MAPK8IP3: variants seen among roughly 807,000 people sequenced by gnomAD.
MAPK8IP3 encodes the protein C-Jun-amino-terminal kinase-interacting protein 3.
A neutral mutation model predicts 157.8 loss-of-function variants in MAPK8IP3; 49 were observed. The observed-to-expected ratio is 0.31, with a 90% CI of 0.25 to 0.39. The LOEUF is 0.39. Ranked by LOEUF, MAPK8IP3 falls within the 10% of genes least tolerant of loss-of-function variation. The pLI is 1.00. For missense variants in MAPK8IP3, 1,478 were observed against 1,889.4 expected (o/e 0.78, Z 4.04); for synonymous variants, 897 against 777.7 (o/e 1.15, Z -2.55).
intron 4 of MAPK8IP3, among the ~76,000 whole-genome samples, chr16:1,733,893 C>T (rs542951259): frequency 1.1e-3 from 172 of 152,354 alleles, no homozygotes; most frequent in Non-Finnish European, 1.3e-3. Flanking sequence ...CTGACCTGGC[C>T]CCAGCCATTC....
At position 1,768,384 on chromosome 16, in the gene MAPK8IP3, G is replaced by T; in HGVS notation, c.3742+6G>T. The T allele has an allele frequency of 1.3e-6, 2 of 1,599,180 alleles. No individual in the cohort carries two copies. The highest frequency in any genetic ancestry group is 2.7e-5 in the African/African-American group (2 of 75,014). On this transcript the variant is annotated splice_donor_region_variant and intron_variant, in intron 30 of 31. Transcript: ENST00000610761. ...GTTCTTTGTCTCGGTGCCAGGTGAG[G>T]CTGGGCCCCTCCTGCCATCCACATC...
intron 4 of MAPK8IP3, among the ~76,000 whole-genome samples, chr16:1,730,044 C>CAAAAAAAAA (rs58933347): frequency 2.1e-5 from 1 of 46,982 alleles, no homozygotes; most frequent in African/African-American, 6.2e-5. Context: ...CTTGTCTCTA[C>CAAAAAAAAA]AAAAAAAAAA....
Position 1,768,799 on chromosome 16 carries a change from G to A in MAPK8IP3, c.3989G>A (p.Trp1330Ter), listed in dbSNP as rs2042443088. ...GCAGAGCGCAGTCACATCATCGTGT[G>A]GCAGGTGTCCTACACCCCCGAGTGA... is the stretch of plus-strand genomic sequence containing the variant. ...SKAERSHIIVWQVSYTPE is the reference protein window; with the variant it reads ...SKAERSHIIV The change falls in exon 32 of 32, where the codon TGG becomes TAG. Residue 1330 changes from tryptophan (W) to a stop codon, truncating the protein, a stop_gained. Coordinates refer to ENST00000610761, the MANE Select transcript of MAPK8IP3 (RefSeq NM_001318852.2). LOFTEE classifies it high-confidence loss of function. 1 of 1,612,548 alleles carries A rather than the reference G, an allele frequency of 6.2e-7. No individual in the cohort carries two copies. The highest frequency in any genetic ancestry group is 8.5e-7 in the Non-Finnish European group (1 of 1,179,802).
At chr16:1,729,832 G>A (rs2039178069) in intron 4 of MAPK8IP3, among the ~76,000 whole-genome samples, 2 of 152,106 alleles carry the variant, frequency 1.3e-5, no homozygotes, top group African/African-American at 4.8e-5. Flanking sequence ...ATTCAGTCAG[G>A]GAGGCCCCGG....
Position 1,768,876 on chromosome 16 carries a change from C to T in MAPK8IP3, c.*52C>T, listed in dbSNP as rs2042448782. On this transcript the variant is annotated 3_prime_UTR_variant, in exon 32 of 32. Coordinates refer to ENST00000610761, the MANE Select transcript of MAPK8IP3 (RefSeq NM_001318852.2). ...GTACATAGGACCCCCGACCACCTGACCCCCGCCCGGCCCGCGGGGTAGCCA... is the reference window on the plus strand; with the variant it reads ...GTACATAGGACCCCCGACCACCTGATCCCCGCCCGGCCCGCGGGGTAGCCA... 2 of 1,593,406 alleles carry T rather than the reference C, an allele frequency of 1.3e-6. No individual in the cohort carries two copies. The highest frequency in any genetic ancestry group is 1.7e-6 in the Non-Finnish European group (2 of 1,170,634).
At position 1,742,238 on chromosome 16, in the gene MAPK8IP3, G is replaced by A. The variant is rs1050606106; in HGVS notation, c.603-1094G>A. 3.9e-5 allele frequency among the ~76,000 whole-genome samples: 6 copies of A among 152,272 alleles called. No individual in the cohort carries two copies. The highest frequency in any genetic ancestry group is 4.4e-5 in the Non-Finnish European group (3 of 68,010). On this transcript the variant is annotated intron_variant, in intron 4 of 31. Transcript: ENST00000610761. The surrounding 1 kb of genome is among the most constrained non-coding windows in gnomAD (Gnocchi z 5.0). ...GGGCTGTTGACTGGAAACCTCCCGC[G>A]GAGGAGGACGTAAAGGGAGACCTTG...
chr16:1,730,418 A>T (rs1380299551), intron 4 of MAPK8IP3, among the ~76,000 whole-genome samples: 2 of 152,068 alleles, frequency 1.3e-5, no homozygotes, highest in East Asian at 1.9e-4. Context: ...AGCTTGGCCA[A>T]TGTGGTGAAA....
intron 5 of MAPK8IP3, chr16:1,744,848 CTTTAT>C (rs2040872973): frequency 1.0e-6 from 1 of 977,438 alleles, no homozygotes; most frequent in East Asian, 1.1e-4. Flanking sequence ...TTTGATTTTT[CTTTAT>C]TTTAAATTAT....
rs1596642486 is a variant in MAPK8IP3 at position 1,737,216 on chromosome 16, G to C, written c.603-6116G>C. 1.9e-5 allele frequency among the ~76,000 whole-genome samples: 2 copies of C among 103,800 alleles called. 1 individual carries two copies. The highest frequency in any genetic ancestry group is 3.9e-5 in the Non-Finnish European group (2 of 51,792). The allele number at this position is 103,800 out of a possible 152,430, so 68.1% of individuals were successfully genotyped here. On this transcript the variant is annotated intron_variant, in intron 4 of 31. Transcript: ENST00000610761. ...TGTGAGCGTGTGACCATCCGTGAGA[G>C]TGTGACCATCCATGTAAGCATCCGT...
chr16:1,735,448 ACCGT>A (rs1237116537), intron 4 of MAPK8IP3, among the ~76,000 whole-genome samples: 13 of 132,842 alleles, frequency 9.8e-5, no homozygotes, highest in South Asian at 4.9e-4. Context: ...CATCCGTGTG[ACCGT>A]CCGTGTGAGC....
chr16:1,763,845 C>A, intron 17 of MAPK8IP3, 62 bp downstream of exon 17: 1 of 85,214 alleles, frequency 1.2e-5, no homozygotes, highest in Non-Finnish European at 2.0e-5. Context: ...GGGTAAGGGG[C>A]GGGGCGCTGT....
chr16:1,748,658 A>G lies in MAPK8IP3; in HGVS notation c.1154A>G (p.His385Arg). 1 of 1,614,172 alleles carries G rather than the reference A, an allele frequency of 6.2e-7. No homozygotes were observed. Among genetic ancestry groups the G allele is most frequent in the Non-Finnish European group, 8.5e-7 (1 of 1,180,028 alleles). The change falls in exon 8 of 32, where the codon CAT becomes CGT. Residue 385 changes from histidine to arginine, a missense_variant. Transcript: ENST00000610761. ...AFGINTDSLY[H>R]ELSTAGSEVI... is the part of the protein sequence containing the mutation. ...GGCATCAACACCGACTCCCTGTACC[A>G]TGAGCTGTCGACGGCAGGGTCTGAG... is the stretch of plus-strand genomic sequence containing the variant.
In MAPK8IP3 at chr16:1,729,236, C is replaced by T. The variant is rs116966333; in HGVS notation, c.510+28C>T. 2.6e-3 allele frequency: 4,119 copies of T among 1,612,670 alleles called. 55 individuals carry two copies. In the East Asian group the frequency reaches 0.039, roughly 15 times the overall value. On this transcript the variant is annotated intron_variant, in intron 3 of 31. Transcript: ENST00000610761. ...GGGCGCCCAGAGGCAAGCGCGGAGA[C>T]GAGGGTTGGAGACAGGGCCGCGGCC... is the stretch of plus-strand genomic sequence containing the variant.
chr16:1,747,369 CA>C, intron 6 of MAPK8IP3, 94 bp downstream of exon 6: 1 of 1,508,956 alleles, frequency 6.6e-7, no homozygotes, highest in African/African-American at 1.4e-5. Flanking sequence ...GCGGGCAGTG[CA>C]GGCAGCAGAG....
Position 1,741,981 on chromosome 16 carries a change from C to T in MAPK8IP3, c.603-1351C>T, listed in dbSNP as rs889349405. On this transcript the variant is annotated intron_variant, in intron 4 of 31. Transcript: ENST00000610761. This position sits in a 1 kb window ranked among gnomAD's most constrained non-coding sequence, Gnocchi z 6.9. ...AGCGGCGGCTGCTGCGTTCCCCTGT[C>T]GCCGTCTGCATCCTCCAGGCATGGC... Among the ~76,000 whole-genome samples the T allele has an allele frequency of 1.3e-5, 2 of 152,160 alleles. No homozygotes were observed. The highest frequency in any genetic ancestry group is 3.9e-4 in the East Asian group (2 of 5,180).
Position 1,706,685 on chromosome 16 carries a change from T to TCCCCGTCCCGGAC in MAPK8IP3, c.318+33_318+45dup, listed in dbSNP as rs2037404796. ...GCGTGGGCCGCGGGACCCGCCCGCA[T>TCCCCGTCCCGGAC]CCCCGTCCCGGACCCCCAGCCAGCC... On this transcript the variant is annotated intron_variant, in intron 1 of 31. Transcript: ENST00000610761. The surrounding 1 kb of genome is among the most constrained non-coding windows in gnomAD (Gnocchi z 5.1). 10 of 1,510,938 alleles carry TCCCCGTCCCGGAC rather than the reference T, an allele frequency of 6.6e-6. No individual in the cohort carries two copies. Among genetic ancestry groups the TCCCCGTCCCGGAC allele is most frequent in the Non-Finnish European group, 8.8e-6 (10 of 1,130,530 alleles). The allele number at this position is 1,510,938 out of a possible 1,614,324, so 93.6% of individuals were successfully genotyped here. A position where few individuals can be genotyped will look rare whatever the true frequency, so the allele number is the denominator to read the frequency against.
At position 1,748,317 on chromosome 16, in the gene MAPK8IP3, A is replaced by G. The variant is rs1035267563; in HGVS notation, c.1068A>G (p.Pro356=). 1.9e-6 allele frequency: 3 copies of G among 1,613,790 alleles called. No individual in the cohort carries two copies. The highest frequency in any genetic ancestry group is 2.7e-5 in the African/African-American group (2 of 74,938). The change falls in exon 7 of 32, where the codon CCA becomes CCG. Residue 356 remains proline (P), a synonymous_variant. Coordinates refer to ENST00000610761, the MANE Select transcript of MAPK8IP3 (RefSeq NM_001318852.2). ...CCACGCCAGAGCTGGACATGTGTCC[A>G]GAGACCCGCCTGGACCGCACAGGAA... The part of the protein sequence containing the change: ...IDSTPELDMC[P]ETRLDRTGSS...
chr16:1,743,772 G>T lies in MAPK8IP3; in HGVS notation c.747+296G>T. The T allele has an allele frequency of 7.7e-7, 1 of 1,299,930 alleles. No homozygotes were observed. The highest frequency in any genetic ancestry group is 9.7e-7 in the Non-Finnish European group (1 of 1,027,158). 80.5% of individuals were successfully genotyped at this position (1,299,930 alleles called of 1,614,324 possible). On this transcript the variant is annotated intron_variant, in intron 5 of 31. Coordinates refer to ENST00000610761, the MANE Select transcript of MAPK8IP3 (RefSeq NM_001318852.2). This position sits in a 1 kb window ranked among gnomAD's most constrained non-coding sequence, Gnocchi z 5.6. ...CTGTAGCCAGGGGTGTACAGTGCCT[G>T]TCAGGGTTGAGCTTAGTGATCCTCT... is the stretch of plus-strand genomic sequence containing the variant.
Position 1,748,354 on chromosome 16 carries a change from C to A in MAPK8IP3, c.1097+8C>A. On this transcript the variant is annotated splice_region_variant and intron_variant, in intron 7 of 31. Transcript: ENST00000610761. ...GGACCGCACAGGAAGCAGGTACTGG[C>A]TCAGCCCAGGCCCTGGGGTCCTGGG... 6.2e-7 allele frequency: 1 copy of A among 1,611,042 alleles called. No homozygotes were observed. Among genetic ancestry groups the A allele is most frequent in the Non-Finnish European group, 8.5e-7 (1 of 1,177,852 alleles).
Sources: allele counts gnomAD v4.1 joint callset (sites outside exome capture counted in the v4.1 genomes callset), GRCh38; gene constraint gnomAD v4.1.1; non-coding constraint Gnocchi (gnomAD v3.1); transcripts MANE v1.5; gene names NCBI Gene and HGNC (gene_info 2026-07-23, HGNC 2026-07-21).